The following SENP7 variants were observed in gnomAD, a reference collection of about 807,000 sequenced individuals.
SENP7 encodes SUMO specific peptidase 7.
A neutral mutation model predicts 141.2 loss-of-function variants in SENP7; 64 were observed. The ratio of observed to expected loss-of-function variants is 0.45; its 90% confidence interval spans 0.37 to 0.56. SENP7 has a LOEUF of 0.56. Among genes scored for constraint, SENP7 ranks in the 20% least tolerant of loss-of-function variants. The pLI, the probability that SENP7 is intolerant of heterozygous loss-of-function variation, is 0.00. For missense variants in SENP7, 1,025 were observed against 1,212.2 expected (o/e 0.85, Z 2.29); for synonymous variants, 382 against 426.4 (o/e 0.90, Z 1.28).
intron 1 of SENP7, among the ~76,000 whole-genome samples, chr3:101,501,772 T>C (rs1423801724): frequency 1.3e-5 from 2 of 152,168 alleles, no homozygotes; most frequent in Non-Finnish European, 2.9e-5. Flanking sequence ...TTCCAAACTT[T>C]CCTGGAACTT....
chr3:101,380,113 G>A (rs2060453962), intron 6 of SENP7, among the ~76,000 whole-genome samples: 1 of 152,150 alleles, frequency 6.6e-6, no homozygotes, highest in Non-Finnish European at 1.5e-5. Context: ...GGTACTTAGG[G>A]TCATGAAATA....
intron 10 of SENP7, among the ~76,000 whole-genome samples, chr3:101,363,464 G>A (rs989457993): frequency 6.6e-6 from 1 of 152,086 alleles, no homozygotes; most frequent in Non-Finnish European, 1.5e-5. Flanking sequence ...CACAGTATTG[G>A]CTGCTTGGTT....
chr3:101,442,069 C>T (rs1460512256), intron 4 of SENP7, among the ~76,000 whole-genome samples: 1 of 152,008 alleles, frequency 6.6e-6, no homozygotes, highest in Non-Finnish European at 1.5e-5. Flanking sequence ...ATCCATAAAA[C>T]TGAAAGAAAC....
intron 3 of SENP7, among the ~76,000 whole-genome samples, chr3:101,491,816 G>A (rs1262356949): frequency 6.6e-6 from 1 of 152,210 alleles, no homozygotes; most frequent in East Asian, 1.9e-4. Flanking sequence ...AGGAGGTCGG[G>A]CACGGTGCCT....
At chr3:101,359,535 G>A (rs1325236160) in intron 11 of SENP7, among the ~76,000 whole-genome samples, 1 of 151,706 alleles carries the variant, frequency 6.6e-6, no homozygotes, top group Non-Finnish European at 1.5e-5. Flanking sequence ...TAATTTTTAG[G>A]ACCACTTTAC....
At chr3:101,376,597 A>C (rs926334933) in intron 6 of SENP7, among the ~76,000 whole-genome samples, 2 of 151,868 alleles carry the variant, frequency 1.3e-5, no homozygotes, top group Admixed American at 6.6e-5. Flanking sequence ...GAACACATGG[A>C]CACAGGAAGG....
rs376100224 is a variant in SENP7 at position 101,417,672 on chromosome 3, A to G, written c.403T>C (p.Leu135=). The stretch of plus-strand genomic sequence containing the variant: ...AGGCTGTCAACAGATGTCGAAGGCA[A>G]TGAGTCTGATTGCACCTTGTTGGCA... ...CDANKVQSDS[L]PSTSVDSLET... The change falls in exon 5 of 24, where the codon TTG becomes CTG. Residue 135 remains leucine, a synonymous_variant. Coordinates refer to ENST00000394095, the MANE Select transcript of SENP7 (RefSeq NM_020654.5). The G allele has an allele frequency of 1.5e-5, 24 of 1,613,912 alleles. No individual in the cohort carries two copies. The highest frequency in any genetic ancestry group is 1.5e-5 in the Non-Finnish European group (18 of 1,179,886).
intron 4 of SENP7, among the ~76,000 whole-genome samples, chr3:101,432,880 C>T (rs184117413): frequency 6.6e-5 from 10 of 152,310 alleles, no homozygotes; most frequent in African/African-American, 2.4e-4. Context: ...AGAACATCTA[C>T]TAGCATCAAC....
intron 3 of SENP7, among the ~76,000 whole-genome samples, chr3:101,463,379 A>G (rs1172382859): frequency 1.3e-5 from 1 of 79,386 alleles, no homozygotes; most frequent in Non-Finnish European, 2.4e-5. Flanking sequence ...ATATATATAT[A>G]TATATATATA....
At chr3:101,382,224 T>C (rs768783847) in intron 6 of SENP7, among the ~76,000 whole-genome samples, 1 of 152,226 alleles carries the variant, frequency 6.6e-6, no homozygotes, top group Non-Finnish European at 1.5e-5. Context: ...TCACCCATGC[T>C]GGAGTGCAGT....
chr3:101,406,578 TA>T (rs1189812350), intron 5 of SENP7, among the ~76,000 whole-genome samples: 1,329 of 126,248 alleles, frequency 0.011, 4 homozygotes, highest in Admixed American at 0.013. Flanking sequence ...ACTTAAAGTA[TA>T]AAAAAAAAAA....
chr3:101,465,031 C>T (rs1007293961), intron 3 of SENP7, among the ~76,000 whole-genome samples: 4 of 152,148 alleles, frequency 2.6e-5, no homozygotes, highest in South Asian at 4.1e-4. Context: ...ACATGTCATC[C>T]GGAGAAACAA....
In SENP7 at chr3:101,325,127, A is replaced by G. The variant is rs1406100915; in HGVS notation, c.*816T>C. The G allele has an allele frequency of 6.6e-6, 1 of 152,060 alleles. No homozygotes were observed. The highest frequency in any genetic ancestry group is 2.4e-5 in the African/African-American group (1 of 41,450). 9.4% of individuals were successfully genotyped at this position (152,060 alleles called of 1,614,324 possible). ...TTTTATCTTCTATATTAGAGAAACT[A>G]TACATAAATTCCGTGATAATGTGAG... On this transcript the variant is annotated 3_prime_UTR_variant, in exon 24 of 24. Coordinates refer to ENST00000394095, the MANE Select transcript of SENP7 (RefSeq NM_020654.5).
intron 6 of SENP7, among the ~76,000 whole-genome samples, chr3:101,390,261 T>C (rs1460966100): frequency 2.8e-5 from 4 of 141,854 alleles, no homozygotes; most frequent in Admixed American, 2.1e-4. Context: ...AGACATGAAC[T>C]GGCTGAATCC....
In SENP7 at chr3:101,364,678, G is replaced by A. The variant is rs1304306385; in HGVS notation, c.1476+156C>T. Among the ~76,000 whole-genome samples the A allele has an allele frequency of 5.9e-5, 9 of 152,082 alleles. 1 individual carries two copies. The South Asian group carries it at 1.0e-3, about 18-fold the overall frequency. ...TTCATTTCAAAATAAAGACAACTAC[G>A]TATTTCACTCAAACTACTATAAAAG... On this transcript the variant is annotated intron_variant, in intron 10 of 23. Transcript: ENST00000394095.
intron 3 of SENP7, among the ~76,000 whole-genome samples, chr3:101,468,102 G>T (rs2063831303): frequency 6.6e-6 from 1 of 152,124 alleles, no homozygotes; most frequent in Admixed American, 6.5e-5. Context: ...GGAAGAAAGG[G>T]TATCAGTGAT....
intron 3 of SENP7, among the ~76,000 whole-genome samples, chr3:101,481,463 T>G (rs189587551): frequency 5.9e-4 from 90 of 152,218 alleles, no homozygotes; most frequent in African/African-American, 2.1e-3. Context: ...GAGGGTAGAA[T>G]TATAGATACT....
chr3:101,370,872 T>C (rs1345625962), intron 7 of SENP7, among the ~76,000 whole-genome samples: 1 of 152,230 alleles, frequency 6.6e-6, no homozygotes, highest in Admixed American at 6.5e-5. Flanking sequence ...TAAATTTTTT[T>C]CTATTAAAAA....
At chr3:101,494,472 C>T (rs2065086307) in intron 2 of SENP7, among the ~76,000 whole-genome samples, 1 of 152,076 alleles carries the variant, frequency 6.6e-6, no homozygotes, top group Admixed American at 6.6e-5. Context: ...TTTGCATATA[C>T]TCTTCCCACA....
Sources: gnomAD v4.1 joint callset for allele counts (sites outside exome capture counted in the v4.1 genomes callset) on GRCh38, gnomAD v4.1.1 for gene constraint, MANE v1.5 for transcripts, NCBI Gene and HGNC (gene_info 2026-07-23, HGNC 2026-07-21) for gene names.